Variants in GCKR observed in about 807,000 individuals in gnomAD.
GCKR encodes the protein glucokinase regulator, also known as glucokinase regulatory protein.
In GCKR, 73 loss-of-function variants were observed where a neutral mutation model predicts 82.9. The observed-to-expected ratio is 0.88, with a 90% CI of 0.73 to 1.07. The LOEUF (loss-of-function observed/expected upper bound fraction) is 1.07. GCKR is among the 50% of genes least tolerant of loss of function. GCKR has a pLI of 0.00. For synonymous variants in GCKR, 294 were observed against 291.8 expected, an observed-to-expected ratio of 1.01 and a Z score of -0.08; for missense variants, 784 against 782.1, an observed-to-expected ratio of 1.00 and a Z score of -0.03.
intron 3 of GCKR, 28 bp from the exon 4 acceptor site, chr2:27,498,227 G>T: frequency 6.4e-7 from 1 of 1,562,872 alleles, no homozygotes; most frequent in Non-Finnish European, 8.8e-7. Context: ...GCCAGGCCCT[G>T]GTAATATATG....
At position 27,523,412 on chromosome 2, in the gene GCKR, C is replaced by G. The variant is rs748135984; in HGVS notation, c.1851C>G (p.Leu617=). 1 of 1,609,382 alleles carries G rather than the reference C, an allele frequency of 6.2e-7. No homozygotes were observed. Among genetic ancestry groups the G allele is most frequent in the Non-Finnish European group, 8.5e-7 (1 of 1,179,970 alleles). The change falls in exon 19 of 19, where the codon CTC becomes CTG. Residue 617 remains leucine (L), a synonymous_variant. Transcript: ENST00000264717. ...GPGQKRTADP[L]EILEPDVQ ...GTCAGAAGCGCACTGCGGACCCCCTCGAGATCCTAGAGCCTGACGTTCAGT... is the reference window on the plus strand; with the variant it reads ...GTCAGAAGCGCACTGCGGACCCCCTGGAGATCCTAGAGCCTGACGTTCAGT...
chr2:27,506,389 GAGCTGT>G, intron 10 of GCKR, 86 bp from the exon 11 acceptor site: 1 of 836,114 alleles, frequency 1.2e-6, no homozygotes, highest in East Asian at 2.4e-5. Flanking sequence ...AGTTCTAAGG[GAGCTGT>G]GCCTTCACCT....
intron 16 of GCKR, among the ~76,000 whole-genome samples, chr2:27,511,288 G>A (rs1274784955): frequency 6.6e-6 from 1 of 151,892 alleles, no homozygotes; most frequent in African/African-American, 2.4e-5. Flanking sequence ...TTGGCCTCTC[G>A]AAGTGCTGGG....
chr2:27,511,020 TTTTATTTATTTG>T lies in GCKR; in HGVS notation c.1422+2783_1422+2794del, dbSNP rs139916561. On this transcript the variant is annotated intron_variant, in intron 16 of 18. Coordinates refer to ENST00000264717, the MANE Select transcript of GCKR (RefSeq NM_001486.4). Reference sequence around the variant, plus strand: ...TTTTTTGCCTTTTGGTTGATGTTGGTTTTATTTATTTGTTTATTTATTTGTGAGACAGAGTCT... The same window carrying T: ...TTTTTTGCCTTTTGGTTGATGTTGGTTTTATTTATTTGTGAGACAGAGTCT... 7.1e-3 allele frequency among the ~76,000 whole-genome samples: 1,084 copies of T among 152,148 alleles called. 74 individuals carry two copies. In the East Asian group the frequency reaches 0.18, roughly 25 times the overall value.
At chr2:27,497,137 T>C in intron 1 of GCKR, 107 bp from the exon 2 acceptor site, 2 of 1,329,904 alleles carry the variant, frequency 1.5e-6, no homozygotes, top group Non-Finnish European at 2.2e-6. Context: ...TGTGTGTGCG[T>C]GTGTGTAAGT....
intron 6 of GCKR, 70 bp from the exon 7 acceptor site, chr2:27,499,327 A>G: frequency 7.2e-7 from 1 of 1,389,664 alleles, no homozygotes; most frequent in Non-Finnish European, 1.0e-6. Context: ...TGGCCCTGAT[A>G]TCCTCACACA....
chr2:27,499,799 C>A (rs1558433858), intron 7 of GCKR, among the ~76,000 whole-genome samples: 1 of 152,146 alleles, frequency 6.6e-6, no homozygotes. Context: ...GCTCTGTCAC[C>A]CAGGCTGGAG....
chr2:27,498,168 TTCC>T, intron 3 of GCKR, 84 bp from the exon 4 acceptor site: 1 of 1,021,266 alleles, frequency 9.8e-7, no homozygotes, highest in Non-Finnish European at 1.6e-6. Flanking sequence ...GTCTTTCCAA[TTCC>T]TCTTGCATTA....
chr2:27,499,251 T>C, intron 6 of GCKR, 43 bp downstream of exon 6: 1 of 1,461,586 alleles, frequency 6.8e-7, no homozygotes, highest in Non-Finnish European at 9.6e-7. Context: ...CTCTATCTGT[T>C]CCTTCTCATG....
chr2:27,506,355 C>T, intron 10 of GCKR, 126 bp from the exon 11 acceptor site: 1 of 747,308 alleles, frequency 1.3e-6, no homozygotes, highest in Non-Finnish European at 2.5e-6. Flanking sequence ...ACTCTCTGCA[C>T]CTCTCCAGGG....
At chr2:27,500,991 C>T (rs1669559334) in intron 7 of GCKR, 144 bp from the exon 8 acceptor site, 1 of 779,674 alleles carries the variant, frequency 1.3e-6, no homozygotes, top group Non-Finnish European at 2.4e-6. Flanking sequence ...GCTCCCCCTT[C>T]AAATTTGGAT....
intron 16 of GCKR, among the ~76,000 whole-genome samples, chr2:27,508,470 C>T (rs575824575): frequency 2.6e-5 from 4 of 152,300 alleles, no homozygotes; most frequent in East Asian, 1.9e-4. Flanking sequence ...CAAAAAGTTG[C>T]GGGATAGGCC....
At chr2:27,517,771 G>A (rs1261798869) in intron 16 of GCKR, among the ~76,000 whole-genome samples, 1 of 152,160 alleles carries the variant, frequency 6.6e-6, no homozygotes, top group African/African-American at 2.4e-5. Context: ...TTTTATACTC[G>A]CGATACCACA....
intron 16 of GCKR, among the ~76,000 whole-genome samples, chr2:27,516,645 T>C (rs766646664): frequency 1.4e-4 from 22 of 152,200 alleles, no homozygotes; most frequent in Non-Finnish European, 2.5e-4. Context: ...GATTTTTCCA[T>C]GTGTACTTTA....
chr2:27,515,564 G>C (rs988151351), intron 16 of GCKR, among the ~76,000 whole-genome samples: 1 of 152,030 alleles, frequency 6.6e-6, no homozygotes, highest in African/African-American at 2.4e-5. Context: ...GCGTGGTCCA[G>C]AAAGCTTTTT....
intron 16 of GCKR, 42 bp from the exon 17 acceptor site, chr2:27,518,746 G>C: frequency 6.4e-7 from 1 of 1,565,770 alleles, no homozygotes; most frequent in Non-Finnish European, 8.8e-7. Flanking sequence ...CTGCTTTTCT[G>C]TCCTCTAATT....
Position 27,497,579 on chromosome 2 carries a change from C to T in GCKR, c.234C>T (p.Ser78=). 6.2e-7 allele frequency: 1 copy of T among 1,612,782 alleles called. No homozygotes were observed. Among genetic ancestry groups the T allele is most frequent in the East Asian group, 2.2e-5 (1 of 44,878 alleles). ...LSTYQRLYSE[S]ILTTMVQVAG... is the part of the protein sequence containing the mutation. ...CCCTACAGAGACTCTACAGCGAATC[C>T]ATTCTGACCACCATGGTACAGGTGG... Residue 78 remains serine, a synonymous_variant, in exon 3 of 19, where the codon TCC becomes TCT. Transcript: ENST00000264717.
rs1310009456 is a variant in GCKR at position 27,497,566 on chromosome 2, T to C, written c.221T>C (p.Leu74Pro). ...EGQALSTYQR[L>P]YSESILTTMV... ...ATTCCTGCATATTCCCTACAGAGAC[T>C]CTACAGCGAATCCATTCTGACCACC... Residue 74 changes from leucine (L) to proline (P), a missense_variant, in exon 3 of 19, where the codon CTC becomes CCC. Coordinates refer to ENST00000264717, the MANE Select transcript of GCKR (RefSeq NM_001486.4). 1 of 1,612,054 alleles carries C rather than the reference T, an allele frequency of 6.2e-7. No individual in the cohort carries two copies.
In GCKR at chr2:27,497,573, C is replaced by A. The variant is rs371436300; in HGVS notation, c.228C>A (p.Ser76Arg). The A allele has an allele frequency of 6.8e-5, 110 of 1,611,322 alleles. No individual in the cohort carries two copies. The Admixed American group carries it at 1.7e-3, about 25-fold the overall frequency. The change falls in exon 3 of 19, where the codon AGC (serine) becomes AGA (arginine). Residue 76 changes from serine to arginine, a missense_variant. Physicochemically the swap from Ser to Arg is moderately radical, Grantham distance 110 (BLOSUM62 -1). Transcript: ENST00000264717. ...QALSTYQRLY[S>R]ESILTTMVQV... ...CATATTCCCTACAGAGACTCTACAG[C>A]GAATCCATTCTGACCACCATGGTAC...
Sources: gnomAD v4.1 joint callset for allele counts (sites outside exome capture counted in the v4.1 genomes callset) on GRCh38, gnomAD v4.1.1 for gene constraint, MANE v1.5 for transcripts, NCBI Gene and HGNC (gene_info 2026-07-23, HGNC 2026-07-21) for gene names.